ROBO2: variants seen among roughly 807,000 people sequenced by gnomAD.
The protein encoded by ROBO2 is roundabout homolog 2.
Under a neutral mutation model 160.8 loss-of-function variants are expected in ROBO2, and 53 were observed. The observed-to-expected ratio is 0.33, with a 90% CI of 0.26 to 0.41. The LOEUF (loss-of-function observed/expected upper bound fraction) is 0.41, where lower values mean the gene tolerates loss of function less well. Among genes scored for constraint, ROBO2 ranks in the 10% least tolerant of loss-of-function variants. The pLI is 1.00. For synonymous variants in ROBO2, 664 were observed against 611.7 expected, an observed-to-expected ratio of 1.09 and a Z score of -1.26; for missense variants, 1,577 against 1,722.4, an observed-to-expected ratio of 0.92 and a Z score of 1.49.
intron 2 of ROBO2, among the ~76,000 whole-genome samples, chr3:76,834,062 T>TTTCTTTCTTTCTTTC (rs368797764): frequency 5.7e-5 from 5 of 88,012 alleles, no homozygotes; most frequent in African/African-American, 9.1e-5. Flanking sequence ...CCTTTCTTTC[T>TTTCTTTCTTTCTTTC]TTTCTTTCTT....
At chr3:77,631,723 T>C (rs1372357000) in intron 23 of ROBO2, 1 of 152,074 alleles carries the variant, frequency 6.6e-6, no homozygotes, top group Non-Finnish European at 1.5e-5. Context: ...TTTCCTCTAT[T>C]CTCATGTTGC....
At chr3:76,954,412 A>G (rs1577797283) in intron 2 of ROBO2, among the ~76,000 whole-genome samples, 1 of 152,126 alleles carries the variant, frequency 6.6e-6, no homozygotes, top group Non-Finnish European at 1.5e-5. Flanking sequence ...CTCTGAATGT[A>G]TTTTCTCACT....
At chr3:76,459,801 A>C (rs1265155035) in intron 2 of ROBO2, among the ~76,000 whole-genome samples, 1 of 152,176 alleles carries the variant, frequency 6.6e-6, no homozygotes, top group Non-Finnish European at 1.5e-5. Context: ...TTCCCATCAC[A>C]TAGTTTTATT....
chr3:77,490,124 G>T (rs1450104491), intron 4 of ROBO2, among the ~76,000 whole-genome samples: 6 of 141,272 alleles, frequency 4.2e-5, no homozygotes, highest in Admixed American at 2.9e-4. Context: ...TTTTTGGGAC[G>T]GAGTCTCGCT....
chr3:76,263,117 T>C (rs564985073), intron 2 of ROBO2, among the ~76,000 whole-genome samples: 10 of 152,220 alleles, frequency 6.6e-5, no homozygotes, highest in African/African-American at 2.4e-4. Flanking sequence ...TCAGTAAGCA[T>C]TGTTCTCCTG....
At chr3:76,051,635 A>G (rs549539533) in intron 2 of ROBO2, among the ~76,000 whole-genome samples, 2 of 152,246 alleles carry the variant, frequency 1.3e-5, no homozygotes, top group South Asian at 2.1e-4. Flanking sequence ...CAAATAATAC[A>G]TATTTGCTAC....
chr3:76,339,159 A>T (rs1315293301), intron 2 of ROBO2, among the ~76,000 whole-genome samples: 1 of 152,152 alleles, frequency 6.6e-6, no homozygotes. Context: ...TTGCCTTTTT[A>T]GAGCTTTTCT....
At chr3:76,910,356 T>A (rs563923441) in intron 2 of ROBO2, among the ~76,000 whole-genome samples, 7 of 152,276 alleles carry the variant, frequency 4.6e-5, no homozygotes, top group South Asian at 4.1e-4. Context: ...TTCTTTTTTT[T>A]TATACACTTA....
At chr3:77,608,659 A>C (rs1173169015) in intron 21 of ROBO2, among the ~76,000 whole-genome samples, 2 of 152,146 alleles carry the variant, frequency 1.3e-5, no homozygotes, top group African/African-American at 4.8e-5. Flanking sequence ...TCCAAGAAAA[A>C]CAAAAATTGG....
At chr3:77,292,782 T>G (rs1039491858) in intron 2 of ROBO2, among the ~76,000 whole-genome samples, 1 of 95,970 alleles carries the variant, frequency 1.0e-5, no homozygotes, top group African/African-American at 2.8e-5. Flanking sequence ...AATTTGACGG[T>G]TAAACAGGTA....
chr3:77,365,795 G>T (rs1006412807), intron 2 of ROBO2, among the ~76,000 whole-genome samples: 1 of 152,080 alleles, frequency 6.6e-6, no homozygotes, highest in Non-Finnish European at 1.5e-5. Context: ...CATGCATGAC[G>T]TGATTTATTC....
chr3:76,083,796 C>T (rs1399292149), intron 2 of ROBO2, among the ~76,000 whole-genome samples: 1 of 151,448 alleles, frequency 6.6e-6, no homozygotes, highest in African/African-American at 2.4e-5. Context: ...AGCGTGTAGA[C>T]TTTCTCAGGT....
At chr3:75,991,193 T>C (rs1292039042) in intron 2 of ROBO2, among the ~76,000 whole-genome samples, 1 of 152,184 alleles carries the variant, frequency 6.6e-6, no homozygotes, top group Non-Finnish European at 1.5e-5. Flanking sequence ...CCATTTATTA[T>C]TGGTAAATTT....
intron 2 of ROBO2, among the ~76,000 whole-genome samples, chr3:76,185,223 C>CACAA (rs1701704636): frequency 1.5e-4 from 2 of 13,264 alleles, no homozygotes; most frequent in South Asian, 2.6e-3. Context: ...TATACACACA[C>CACAA]AAAGATGTTA....
At chr3:76,286,531 A>G (rs543558280) in intron 2 of ROBO2, among the ~76,000 whole-genome samples, 4 of 152,300 alleles carry the variant, frequency 2.6e-5, no homozygotes, top group African/African-American at 9.6e-5. Context: ...GTCAGGGTGA[A>G]TGATGACCAA....
chr3:77,373,679 A>G (rs1432924151), intron 2 of ROBO2, among the ~76,000 whole-genome samples: 1 of 151,964 alleles, frequency 6.6e-6, no homozygotes, highest in African/African-American at 2.4e-5. Flanking sequence ...GCACATTTTG[A>G]TTGTGTGTAT....
chr3:77,523,355 C>T (rs1461801365), intron 6 of ROBO2, among the ~76,000 whole-genome samples: 3 of 151,334 alleles, frequency 2.0e-5, no homozygotes, highest in African/African-American at 4.8e-5. Context: ...TCTGAAAAAA[C>T]TAGCAATGCT....
intron 1 of ROBO2, among the ~76,000 whole-genome samples, chr3:77,091,663 G>A (rs2150024968): frequency 6.6e-6 from 1 of 152,064 alleles, no homozygotes; most frequent in Middle Eastern, 3.4e-3. Context: ...AATTTCTGAT[G>A]CACCTTGTTC....
At chr3:77,354,343 T>C (rs945114974) in intron 2 of ROBO2, among the ~76,000 whole-genome samples, 1 of 152,232 alleles carries the variant, frequency 6.6e-6, no homozygotes, top group African/African-American at 2.4e-5. Context: ...TTTTTTCTCC[T>C]GGTCTCACTG....
Sources: gnomAD v4.1 joint callset for allele counts (sites outside exome capture counted in the v4.1 genomes callset) on GRCh38, gnomAD v4.1.1 for gene constraint, MANE v1.5 for transcripts, NCBI Gene and HGNC (gene_info 2026-07-23, HGNC 2026-07-21) for gene names.